The following ELP4 variants were observed in gnomAD, a reference collection of about 807,000 sequenced individuals.
The protein encoded by ELP4 is elongator complex protein 4.
A neutral mutation model predicts 48.9 loss-of-function variants in ELP4; 51 were observed. The ratio of observed to expected loss-of-function variants is 1.04; its 90% CI spans 0.83 to 1.32. ELP4 has a LOEUF of 1.32. Ranked by LOEUF, ELP4 falls within the 40% of genes most tolerant of loss-of-function variation. The pLI, the probability that ELP4 is intolerant of heterozygous loss-of-function variation, is 0.00. For synonymous variants in ELP4, 210 were observed against 189.2 expected, an observed-to-expected ratio of 1.11 and a Z score of -0.90; for missense variants, 519 against 514.6, an observed-to-expected ratio of 1.01 and a Z score of -0.08.
rs1554982404 is a variant in ELP4, at chr11:31,790,119, A to AAAAAAC, written c.*6596_*6597insAAAACA. ...TTACAAAAAAAAAAAAAAAAAAAAA[A>AAAAAAC]ACTAATACTTTCTAACATTTTTTAC... On this transcript the variant is annotated 3_prime_UTR_variant, in exon 10 of 10. Transcript: ENST00000640961. The AAAAAAC allele has an allele frequency of 6.5e-6, 5 of 771,892 alleles. No individual in the cohort carries two copies. The African/African-American group carries it at 9.2e-5, about 14-fold the overall frequency. The allele number at this position is 771,892 out of a possible 1,614,324, so 47.8% of individuals were successfully genotyped here.
intron 1 of ELP4, among the ~76,000 whole-genome samples, 175 bp downstream of exon 1, chr11:31,510,182 C>G (rs892437094): frequency 6.6e-6 from 1 of 152,260 alleles, no homozygotes; most frequent in East Asian, 1.9e-4. Context: ...GACTTCTGAG[C>G]GCTGTTAACT....
At position 31,597,699 on chromosome 11, in the gene ELP4, G is replaced by A. The variant is rs891956552; in HGVS notation, c.513+2798G>A. On this transcript the variant is annotated intron_variant, in intron 4 of 9. Coordinates refer to ENST00000640961, the MANE Select transcript of ELP4 (RefSeq NM_019040.5). Reference sequence around the variant, plus strand: ...TGATTCTCCTGCCTCAGCCTCCCGAGTAGCTGGGACTATAGTTGCCCACCA... The same window carrying A: ...TGATTCTCCTGCCTCAGCCTCCCGAATAGCTGGGACTATAGTTGCCCACCA... Among the ~76,000 whole-genome samples the A allele has an allele frequency of 4.6e-5, 7 of 151,938 alleles. No homozygotes were observed. The South Asian group carries it at 6.2e-4, about 14-fold the overall frequency.
At chr11:31,770,293 G>C (rs1432169258) in intron 9 of ELP4, among the ~76,000 whole-genome samples, 1 of 152,178 alleles carries the variant, frequency 6.6e-6, no homozygotes, top group Non-Finnish European at 1.5e-5. Context: ...AAGGGAGTCA[G>C]TTGGGGAGAT....
intron 9 of ELP4, among the ~76,000 whole-genome samples, chr11:31,676,520 A>T (rs1945928480): frequency 6.6e-6 from 1 of 152,218 alleles, no homozygotes; most frequent in South Asian, 2.1e-4. Flanking sequence ...CTTACATACG[A>T]TAAGGTGCTC....
chr11:31,543,314 G>GTTTGTTT (rs996006550), intron 3 of ELP4, among the ~76,000 whole-genome samples: 1 of 151,974 alleles, frequency 6.6e-6, no homozygotes, highest in Non-Finnish European at 1.5e-5. Flanking sequence ...TGTTGTTGTT[G>GTTTGTTT]TTTGTTTTTT....
chr11:31,576,075 A>G (rs1957272345), intron 3 of ELP4, among the ~76,000 whole-genome samples: 1 of 152,240 alleles, frequency 6.6e-6, no homozygotes, highest in Non-Finnish European at 1.5e-5. Context: ...ACATAGGCTC[A>G]AAATAAAGGG....
Position 31,784,071 on chromosome 11 carries a change from A to G in ELP4, c.*547A>G, listed in dbSNP as rs1471509036. ...TTCCACTAGAGATAATTAGTCTACC[A>G]TAGTAGTTATTAAATATAAAGAACT... On this transcript the variant is annotated 3_prime_UTR_variant, in exon 10 of 10. Transcript: ENST00000640961. 6.6e-6 allele frequency: 1 copy of G among 152,260 alleles called. No homozygotes were observed. The highest frequency in any genetic ancestry group is 1.9e-4 in the East Asian group (1 of 5,206). 9.4% of individuals were successfully genotyped at this position (152,260 alleles called of 1,614,324 possible).
rs2134046150 is a variant in ELP4, at chr11:31,632,178, A to G, written c.739-39A>G. 5 of 1,544,036 alleles carry G rather than the reference A, an allele frequency of 3.2e-6. No individual in the cohort carries two copies. The East Asian group carries it at 1.1e-4, about 35-fold the overall frequency. Reference sequence around the variant, plus strand: ...TAAAAGTGGTATTCTATTGATTAACAAAACTTTATATGTTTGCTTTTTTCC... The same window carrying G: ...TAAAAGTGGTATTCTATTGATTAACGAAACTTTATATGTTTGCTTTTTTCC... On this transcript the variant is annotated intron_variant, in intron 6 of 9. Coordinates refer to ENST00000640961, the MANE Select transcript of ELP4 (RefSeq NM_019040.5).
At chr11:31,648,682 AC>A (rs1196110342) in intron 8 of ELP4, 1 of 151,614 alleles carries the variant, frequency 6.6e-6, no homozygotes, top group Non-Finnish European at 1.5e-5. Context: ...GAAGCCTGCT[AC>A]CAGATTTTAT....
At chr11:31,769,734 G>C (rs1030039488) in intron 9 of ELP4, among the ~76,000 whole-genome samples, 2 of 151,964 alleles carry the variant, frequency 1.3e-5, no homozygotes, top group Non-Finnish European at 1.5e-5. Context: ...TAAACAAACA[G>C]AAAGATATTG....
chr11:31,557,791 A>T (rs1956953489), intron 3 of ELP4, among the ~76,000 whole-genome samples: 1 of 152,112 alleles, frequency 6.6e-6, no homozygotes, highest in South Asian at 2.1e-4. Context: ...TGTTATAAAC[A>T]ATTAAAAATT....
intron 3 of ELP4, among the ~76,000 whole-genome samples, chr11:31,555,465 A>G (rs1336756997): frequency 6.6e-6 from 1 of 152,000 alleles, no homozygotes; most frequent in Non-Finnish European, 1.5e-5. Context: ...TTGTTATGGA[A>G]TAATAAAACT....
intron 3 of ELP4, among the ~76,000 whole-genome samples, chr11:31,589,144 T>C (rs1041084509): frequency 2.6e-5 from 4 of 152,172 alleles, no homozygotes; most frequent in Non-Finnish European, 5.9e-5. Flanking sequence ...CCCTTGAGAA[T>C]AACACAAAAT....
chr11:31,521,640 A>G (rs1434687385), intron 2 of ELP4, among the ~76,000 whole-genome samples: 1 of 152,136 alleles, frequency 6.6e-6, no homozygotes, highest in Non-Finnish European at 1.5e-5. Context: ...AATCCTTGAT[A>G]AATTCATGCA....
At position 31,783,546 on chromosome 11, in the gene ELP4, A is replaced by G. The variant is rs1329689792; in HGVS notation, c.*22A>G. 8 of 1,609,850 alleles carry G rather than the reference A, an allele frequency of 5.0e-6. No homozygotes were observed. The highest frequency in any genetic ancestry group is 1.7e-5 in the Admixed American group (1 of 59,148). ...CTAGGGATTCCTCCTTAGTCGCTGC[A>G]TGCAGAATTCTATGACACTCTAATT... On this transcript the variant is annotated 3_prime_UTR_variant, in exon 10 of 10. Coordinates refer to ENST00000640961, the MANE Select transcript of ELP4 (RefSeq NM_019040.5).
intron 3 of ELP4, among the ~76,000 whole-genome samples, chr11:31,590,123 G>A (rs184588388): frequency 5.3e-5 from 8 of 152,052 alleles, no homozygotes; most frequent in Non-Finnish European, 7.4e-5. Flanking sequence ...GGCAAAAACC[G>A]CAATTATTTT....
At chr11:31,725,951 G>T (rs1442903283) in intron 9 of ELP4, among the ~76,000 whole-genome samples, 1 of 152,142 alleles carries the variant, frequency 6.6e-6, no homozygotes, top group Non-Finnish European at 1.5e-5. Context: ...TTGACACACA[G>T]TAAAAAAATT....
Position 31,783,754 on chromosome 11 carries a change from T to C in ELP4, c.*230T>C, listed in dbSNP as rs185198932. The stretch of plus-strand genomic sequence containing the variant: ...TAGAGAAAATAATTTTATTTTTAAA[T>C]AAACGCCAAAAAATGTCAAAATCTC... On this transcript the variant is annotated 3_prime_UTR_variant, in exon 10 of 10. Coordinates refer to ENST00000640961, the MANE Select transcript of ELP4 (RefSeq NM_019040.5). 43 of 388,074 alleles carry C rather than the reference T, an allele frequency of 1.1e-4. No individual in the cohort carries two copies. The highest frequency in any genetic ancestry group is 7.8e-4 in the African/African-American group (38 of 49,032). The allele number at this position is 388,074 out of a possible 1,614,324, so 24.0% of individuals were successfully genotyped here.
intron 9 of ELP4, among the ~76,000 whole-genome samples, chr11:31,736,038 G>A (rs1187558262): frequency 2.0e-5 from 3 of 152,172 alleles, no homozygotes; most frequent in East Asian, 1.9e-4. Context: ...AGCCAAAATA[G>A]CAAAGCTGGA....
Sources: allele counts gnomAD v4.1 joint callset (sites outside exome capture counted in the v4.1 genomes callset), GRCh38; gene constraint gnomAD v4.1.1; transcripts MANE v1.5; gene names NCBI Gene and HGNC (gene_info 2026-07-23, HGNC 2026-07-21).